Variants in ADNP observed in about 807,000 individuals in gnomAD.
ADNP encodes the protein activity-dependent neuroprotector homeobox protein.
ADNP carries 4 observed loss-of-function variants against 84.9 expected under a neutral mutation model. That is an observed-to-expected ratio of 0.05 (90% CI 0.02 to 0.11). ADNP has a LOEUF of 0.11. ADNP is among the 10% of genes least tolerant of loss of function. The probability of loss-of-function intolerance (pLI) is 1.00; values close to 1 mark genes in which losing one functional copy is unlikely to be tolerated. For missense variants in ADNP, 1,132 were observed against 1,326.0 expected, an observed-to-expected ratio of 0.85 and a Z score of 2.27; for synonymous variants, 554 against 468.1, an observed-to-expected ratio of 1.18 and a Z score of -2.37.
At position 50,890,881 on chromosome 20, in the gene ADNP, AATCT is replaced by A; in HGVS notation, c.*520_*523del. The A allele has an allele frequency of 1.0e-6, 1 of 976,498 alleles. No individual in the cohort carries two copies. Among genetic ancestry groups the A allele is most frequent in the Non-Finnish European group, 1.2e-6 (1 of 821,610 alleles). The allele number at this position is 976,498 out of a possible 1,614,324, so 60.5% of individuals were successfully genotyped here. A position where few individuals can be genotyped will look rare whatever the true frequency, so the allele number is the denominator to read the frequency against. On this transcript the variant is annotated 3_prime_UTR_variant, in exon 6 of 6. Coordinates refer to ENST00000621696, the MANE Select transcript of ADNP (RefSeq NM_001282531.3). Reference sequence around the variant, plus strand: ...CAGCAAGGGCAACACTAAAAAAAGAAATCTATGATGGGCACACAGTAACAGGATC... The same window carrying A: ...CAGCAAGGGCAACACTAAAAAAAGAAATGATGGGCACACAGTAACAGGATC...
rs975712635 is a variant in ADNP at position 50,893,760 on chromosome 20, T to G, written c.954A>C (p.Gly318=). 6.2e-7 allele frequency: 1 copy of G among 1,614,164 alleles called. No homozygotes were observed. The highest frequency in any genetic ancestry group is 8.5e-7 in the Non-Finnish European group (1 of 1,180,028). The change falls in exon 6 of 6, where the codon GGA becomes GGC. Residue 318 remains glycine, a synonymous_variant. Coordinates refer to ENST00000621696, the MANE Select transcript of ADNP (RefSeq NM_001282531.3). This position sits in a 1 kb window ranked among gnomAD's most constrained non-coding sequence, Gnocchi z 4.4. The part of the protein sequence containing the change: ...SIPKPNLNST[G]VNMMSSVHLQ... ...GATGAACACTGGACATCATGTTGAC[T>G]CCTGTAGAATTTAAGTTAGGCTTTG...
At chr20:50,899,084 T>TA (rs146812779) in intron 5 of ADNP, among the ~76,000 whole-genome samples, 3,639 of 152,244 alleles carry the variant, frequency 0.024, 122 homozygotes, top group African/African-American at 0.079. Flanking sequence ...AGATCAAAGA[T>TA]ACAGTATTCT....
At chr20:50,894,835 T>A (rs887783110) in intron 5 of ADNP, among the ~76,000 whole-genome samples, 1 of 151,960 alleles carries the variant, frequency 6.6e-6, no homozygotes, top group Non-Finnish European at 1.5e-5. Context: ...GAGGTGGAGG[T>A]TGCAACGAGC....
intron 5 of ADNP, among the ~76,000 whole-genome samples, chr20:50,901,175 C>T (rs1981936669): frequency 6.6e-6 from 1 of 152,102 alleles, no homozygotes; most frequent in African/African-American, 2.4e-5. Flanking sequence ...TGATGAAATA[C>T]TCTGCTTCTC....
intron 4 of ADNP, among the ~76,000 whole-genome samples, chr20:50,903,266 TG>T (rs1982159089): frequency 6.6e-6 from 1 of 152,166 alleles, no homozygotes; most frequent in African/African-American, 2.4e-5. Context: ...GACCACTGCA[TG>T]GCTATCCCAC....
chr20:50,919,568 A>G (rs979482171), intron 2 of ADNP, among the ~76,000 whole-genome samples: 13 of 152,152 alleles, frequency 8.5e-5, no homozygotes. Context: ...AGGCTTACAG[A>G]TATGACATCC....
Position 50,893,555 on chromosome 20 carries a change from G to C in ADNP, c.1159C>G (p.Gln387Glu). The C allele has an allele frequency of 6.2e-7, 1 of 1,613,954 alleles. No individual in the cohort carries two copies. The highest frequency in any genetic ancestry group is 8.5e-7 in the Non-Finnish European group (1 of 1,180,012). Reference sequence around the variant, plus strand: ...TGCAGGGAGTATCTTGCTGGTGCCTGGGACCTCTGCTCTGACCCAAGCCCA... The same window carrying C: ...TGCAGGGAGTATCTTGCTGGTGCCTCGGACCTCTGCTCTGACCCAAGCCCA... ...SYGLGSEQRS[Q>E]APARYSLQSA... Residue 387 changes from glutamine to glutamate, a missense_variant, in exon 6 of 6, where the codon CAG (glutamine) becomes GAG (glutamate). Gln to Glu is a conservative substitution (Grantham distance 29). Around this residue, in one of 10 missense-constraint regions of ADNP, gnomAD observed 239 missense variants for 213.2 expected, o/e 1.12. Coordinates refer to ENST00000621696, the MANE Select transcript of ADNP (RefSeq NM_001282531.3). The surrounding 1 kb of genome is among the most constrained non-coding windows in gnomAD (Gnocchi z 4.4).
chr20:50,929,568 G>A (rs1357341561), intron 1 of ADNP, among the ~76,000 whole-genome samples: 1 of 152,226 alleles, frequency 6.6e-6, no homozygotes, highest in Admixed American at 6.5e-5. Context: ...CCAGTGCAGA[G>A]AATGCGCCCC....
chr20:50,890,765 G>T lies in ADNP; in HGVS notation c.*640C>A. The T allele has an allele frequency of 4.4e-6, 1 of 228,402 alleles. No homozygotes were observed. Among genetic ancestry groups the T allele is most frequent in the Non-Finnish European group, 7.3e-6 (1 of 137,386 alleles). The allele number at this position is 228,402 out of a possible 1,614,324, so 14.1% of individuals were successfully genotyped here. A position where few individuals can be genotyped will look rare whatever the true frequency, so the allele number is the denominator to read the frequency against. On this transcript the variant is annotated 3_prime_UTR_variant, in exon 6 of 6. Transcript: ENST00000621696. ...TGGCCTCTGTTGCAAGATTGTACAA[G>T]GTTATGTGCAAAAACTAAGTCTGTC...
intron 1 of ADNP, among the ~76,000 whole-genome samples, chr20:50,929,480 T>C (rs1160078075): frequency 3.3e-5 from 5 of 152,202 alleles, no homozygotes; most frequent in Admixed American, 3.3e-4. Flanking sequence ...CTGGGCCCAT[T>C]TTCCCATGGT....
chr20:50,922,951 C>G (rs963131258), intron 2 of ADNP, among the ~76,000 whole-genome samples: 1 of 152,026 alleles, frequency 6.6e-6, no homozygotes, highest in African/African-American at 2.4e-5. Context: ...GGGCCAACAC[C>G]CTCTCTCTAG....
Position 50,891,360 on chromosome 20 carries a change from G to C in ADNP, c.*45C>G. 6.5e-7 allele frequency: 1 copy of C among 1,531,320 alleles called. No individual in the cohort carries two copies. The allele number at this position is 1,531,320 out of a possible 1,614,324, so 94.9% of individuals were successfully genotyped here. On this transcript the variant is annotated 3_prime_UTR_variant, in exon 6 of 6. Coordinates refer to ENST00000621696, the MANE Select transcript of ADNP (RefSeq NM_001282531.3). Reference sequence around the variant, plus strand: ...AGCTTTGCAGTCACACTGGATATCAGAGTTCCAGGCTGCAGCATGTCACCA... The same window carrying C: ...AGCTTTGCAGTCACACTGGATATCACAGTTCCAGGCTGCAGCATGTCACCA...
rs557243724 is a variant in ADNP, at chr20:50,889,140, C to T, written c.*2265G>A. 1 of 152,260 alleles carries T rather than the reference C, an allele frequency of 6.6e-6. No homozygotes were observed. Among genetic ancestry groups the T allele is most frequent in the South Asian group, 2.1e-4 (1 of 4,816 alleles). The allele number at this position is 152,260 out of a possible 1,614,324, so 9.4% of individuals were successfully genotyped here. ...ATTTCCAACTCTTAGGGTGGCTAAA[C>T]CCTTTTCTGAATGCCAAAAGGCACA... On this transcript the variant is annotated 3_prime_UTR_variant, in exon 6 of 6. Transcript: ENST00000621696.
rs1171304270 is a variant in ADNP at position 50,890,980 on chromosome 20, GA to G, written c.*424del. 8 of 993,930 alleles carry G rather than the reference GA, an allele frequency of 8.0e-6. No individual in the cohort carries two copies. Among genetic ancestry groups the G allele is most frequent in the South Asian group, 4.7e-5 (1 of 21,468 alleles). 61.6% of individuals were successfully genotyped at this position (993,930 alleles called of 1,614,324 possible). A position where few individuals can be genotyped will look rare whatever the true frequency, so the allele number is the denominator to read the frequency against. On this transcript the variant is annotated 3_prime_UTR_variant, in exon 6 of 6. Transcript: ENST00000621696. ...TTTCAACTATTCAGAATGAATACAT[GA>G]AAAAAAATCGCTTTTCCCAAAGTCT...
chr20:50,917,517 C>CA (rs763921362), intron 2 of ADNP, among the ~76,000 whole-genome samples: 31 of 152,270 alleles, frequency 2.0e-4, no homozygotes, highest in East Asian at 3.9e-4. Context: ...GCCAGCTTTT[C>CA]AAAAAACAGA....
At chr20:50,908,143 TTC>T (rs545255431) in intron 2 of ADNP, among the ~76,000 whole-genome samples, 76 of 135,586 alleles carry the variant, frequency 5.6e-4, no homozygotes, top group African/African-American at 8.3e-4. Flanking sequence ...GCAAAGATTT[TTC>T]TGTTTTTTTT....
chr20:50,905,206 T>C (rs891193371), intron 2 of ADNP: 4 of 152,236 alleles, frequency 2.6e-5, no homozygotes, highest in Admixed American at 1.3e-4. Context: ...AGAATATGTA[T>C]GGTTTCTAAT....
chr20:50,918,348 G>C (rs535489353), intron 2 of ADNP, among the ~76,000 whole-genome samples: 1 of 152,238 alleles, frequency 6.6e-6, no homozygotes, highest in South Asian at 2.1e-4. Flanking sequence ...CCCAGAAAAG[G>C]AGAGAACCTC....
intron 2 of ADNP, among the ~76,000 whole-genome samples, chr20:50,921,723 C>T (rs1343942913): frequency 1.3e-5 from 2 of 152,186 alleles, no homozygotes; most frequent in Non-Finnish European, 2.9e-5. Context: ...AAGATGATGC[C>T]TGAGGGACAA....
Sources: gnomAD v4.1 joint callset for allele counts (sites outside exome capture counted in the v4.1 genomes callset) on GRCh38, gnomAD v4.1.1 for gene constraint, gnomAD v4.1.1 regional missense constraint, Gnocchi (gnomAD v3.1) non-coding constraint, MANE v1.5 for transcripts, NCBI Gene and HGNC (gene_info 2026-07-23, HGNC 2026-07-21) for gene names.